SLIT3: variants seen among roughly 807,000 people sequenced by gnomAD.
The protein encoded by SLIT3 is slit homolog 3 protein.
In SLIT3, 68 loss-of-function variants were observed where a neutral mutation model predicts 184.0. The observed-to-expected ratio is 0.37, with a 90% CI of 0.30 to 0.45. The LOEUF is 0.45. SLIT3 is among the 20% of genes least tolerant of loss of function. The pLI is 1.00. For missense variants in SLIT3, 1,707 were observed against 2,026.0 expected, an observed-to-expected ratio of 0.84 and a Z score of 3.02; for synonymous variants, 831 against 828.6, an observed-to-expected ratio of 1.00 and a Z score of -0.05.
chr5:169,171,452 T>A (rs1333514065), intron 4 of SLIT3, among the ~76,000 whole-genome samples: 2 of 152,192 alleles, frequency 1.3e-5, no homozygotes, highest in Non-Finnish European at 2.9e-5. Context: ...CAAGTGTCTG[T>A]TGCAAGTTTC....
chr5:169,001,062 G>A (rs957850040), intron 4 of SLIT3, among the ~76,000 whole-genome samples: 1 of 152,132 alleles, frequency 6.6e-6, no homozygotes, highest in African/African-American at 2.4e-5. Context: ...CCATTCAATG[G>A]GAAAAAGATG....
chr5:168,931,892 G>A (rs575436073), intron 4 of SLIT3, among the ~76,000 whole-genome samples: 1 of 152,048 alleles, frequency 6.6e-6, no homozygotes, highest in South Asian at 2.1e-4. Context: ...TCTGTGTCAC[G>A]TACCCAAGAG....
chr5:168,744,020 C>T (rs539055215), intron 20 of SLIT3, among the ~76,000 whole-genome samples: 61 of 152,234 alleles, frequency 4.0e-4, no homozygotes, highest in African/African-American at 1.4e-3. Flanking sequence ...CTGGGCGCAG[C>T]GGCTCACACA....
chr5:169,270,359 G>A lies in SLIT3; in HGVS notation c.198-18900C>T, dbSNP rs142799670. On this transcript the variant is annotated intron_variant, in intron 1 of 35. Coordinates refer to ENST00000519560, the MANE Select transcript of SLIT3 (RefSeq NM_003062.4). ...AAACTACAGCCCACAGGCCCGATCC[G>A]GCCCACTGCCTGTTTTCATATGGAT... Among the ~76,000 whole-genome samples, 233 of 152,090 alleles carry A rather than the reference G, an allele frequency of 1.5e-3. 1 individual carries two copies. Among genetic ancestry groups the A allele is most frequent in the Middle Eastern group, 6.8e-3 (2 of 294 alleles).
intron 3 of SLIT3, among the ~76,000 whole-genome samples, chr5:169,225,781 G>C (rs918374): frequency 0.62 from 94,025 of 151,578 alleles, 29,717 homozygotes; most frequent in East Asian, 0.76. Flanking sequence ...GAGGGAGGCA[G>C]GGGCCAGGGG....
intron 4 of SLIT3, among the ~76,000 whole-genome samples, chr5:168,907,977 TATAG>T (rs1399243777): frequency 4.8e-5 from 3 of 62,236 alleles, no homozygotes; most frequent in East Asian, 3.8e-4. Context: ...TATATATATA[TATAG>T]AGAGAGAGAG....
chr5:169,050,582 G>A (rs562099877), intron 4 of SLIT3, among the ~76,000 whole-genome samples: 2 of 152,218 alleles, frequency 1.3e-5, no homozygotes, highest in East Asian at 1.9e-4. Flanking sequence ...CAAGACCAAC[G>A]TTGTGTCTGC....
Position 168,673,307 on chromosome 5 carries a change from C to T in SLIT3, c.3711G>A (p.Gln1237=). 6.2e-7 allele frequency: 1 copy of T among 1,614,200 alleles called. No homozygotes were observed. The highest frequency in any genetic ancestry group is 8.5e-7 in the Non-Finnish European group (1 of 1,180,032). ...VYSVETVNDG[Q]FHSVELVTLN... is the part of the protein sequence containing the mutation. ...GCGTCACCAGCTCCACACTGTGAAACTGCCCATCATTCACTGTCTCCACAC... is the reference window on the plus strand; with the variant it reads ...GCGTCACCAGCTCCACACTGTGAAATTGCCCATCATTCACTGTCTCCACAC... Residue 1237 remains glutamine, a synonymous_variant, in exon 33 of 36, where the codon CAG becomes CAA. Transcript: ENST00000519560.
At chr5:168,680,183 T>C (rs542778988) in intron 32 of SLIT3, among the ~76,000 whole-genome samples, 3 of 152,234 alleles carry the variant, frequency 2.0e-5, no homozygotes, top group Admixed American at 6.5e-5. Flanking sequence ...TCCAGCCCAT[T>C]TTCCCCATGT....
intron 1 of SLIT3, among the ~76,000 whole-genome samples, chr5:169,277,256 G>A (rs1766840601): frequency 6.6e-6 from 1 of 151,780 alleles, no homozygotes; most frequent in Non-Finnish European, 1.5e-5. Context: ...TTTGAGACAG[G>A]GTCTTGCTCT....
At chr5:169,227,628 G>A (rs760529261) in intron 3 of SLIT3, among the ~76,000 whole-genome samples, 8 of 152,104 alleles carry the variant, frequency 5.3e-5, no homozygotes, top group Admixed American at 3.9e-4. Context: ...GGGTTTCACC[G>A]TGTTGGCCAG....
chr5:168,739,238 A>G (rs1017142288), intron 20 of SLIT3, among the ~76,000 whole-genome samples: 2 of 152,172 alleles, frequency 1.3e-5, no homozygotes, highest in Non-Finnish European at 2.9e-5. Flanking sequence ...TTCCATTCAA[A>G]GCGTAAGACA....
chr5:168,797,796 GA>G (rs1756619195), intron 9 of SLIT3, among the ~76,000 whole-genome samples: 1 of 152,166 alleles, frequency 6.6e-6, no homozygotes. Context: ...ATGAGGAAAA[GA>G]AAACCTAGAG....
chr5:169,020,767 A>G (rs1412455796), intron 4 of SLIT3, among the ~76,000 whole-genome samples: 1 of 152,228 alleles, frequency 6.6e-6, no homozygotes, highest in African/African-American at 2.4e-5. Context: ...GGGAAAGAGA[A>G]ACACGCAGAA....
chr5:168,770,050 G>C (rs529617902), intron 14 of SLIT3, among the ~76,000 whole-genome samples: 1 of 152,152 alleles, frequency 6.6e-6, no homozygotes, highest in Non-Finnish European at 1.5e-5. Context: ...CACACAAAGC[G>C]GGGAGGCATG....
chr5:168,749,441 C>A, intron 19 of SLIT3, 31 bp downstream of exon 19: 3 of 1,612,800 alleles, frequency 1.9e-6, no homozygotes, highest in Non-Finnish European at 2.5e-6. Flanking sequence ...CCAGGGCCTT[C>A]CCCGCAGACC....
chr5:169,173,267 C>CA (rs1219524032), intron 4 of SLIT3, among the ~76,000 whole-genome samples: 1 of 151,784 alleles, frequency 6.6e-6, no homozygotes, highest in East Asian at 1.9e-4. Context: ...ATCTCAAAAA[C>CA]AAAAAAGAAT....
intron 1 of SLIT3, among the ~76,000 whole-genome samples, chr5:169,287,327 C>T (rs1004155944): frequency 6.6e-6 from 1 of 152,190 alleles, no homozygotes; most frequent in African/African-American, 2.4e-5. Flanking sequence ...GATCTGCCAT[C>T]CCGAGTCACC....
At chr5:169,111,776 A>G (rs947287838) in intron 4 of SLIT3, among the ~76,000 whole-genome samples, 1 of 152,140 alleles carries the variant, frequency 6.6e-6, no homozygotes, top group African/African-American at 2.4e-5. Context: ...AAATAAATAA[A>G]AGACTTTATT....
Sources: allele counts gnomAD v4.1 joint callset (sites outside exome capture counted in the v4.1 genomes callset), GRCh38; gene constraint gnomAD v4.1.1; transcripts MANE v1.5; gene names NCBI Gene and HGNC (gene_info 2026-07-23, HGNC 2026-07-21).